SLC2A13: variants seen among roughly 807,000 people sequenced by gnomAD.
SLC2A13 encodes the protein solute carrier family 2 member 13, also known as proton myo-inositol cotransporter.
SLC2A13 carries 32 observed loss-of-function variants against 64.4 expected under a neutral mutation model. The observed-to-expected ratio is 0.50, with a 90% CI of 0.37 to 0.67. SLC2A13 has a LOEUF of 0.67. Ranked by LOEUF, SLC2A13 falls within the 30% of genes least tolerant of loss-of-function variation. The pLI, the probability that SLC2A13 is intolerant of heterozygous loss-of-function variation, is 0.00. For missense variants in SLC2A13, 743 were observed against 829.2 expected (o/e 0.90, Z 1.28); for synonymous variants, 338 against 327.1 (o/e 1.03, Z -0.36).
chr12:40,086,872 TCTAATGCAGTTAC>T (rs530608365), intron 1 of SLC2A13, among the ~76,000 whole-genome samples: 1 of 152,342 alleles, frequency 6.6e-6, no homozygotes, highest in Admixed American at 6.5e-5. Context: ...GCTCATTTTC[TCTAATGCAGTTAC>T]CAACGGCCAG....
chr12:39,804,015 C>T (rs953695560), intron 7 of SLC2A13, among the ~76,000 whole-genome samples: 1 of 151,820 alleles, frequency 6.6e-6, no homozygotes, highest in Non-Finnish European at 1.5e-5. Flanking sequence ...GAAGAAATGT[C>T]TGAATTCATT....
At chr12:39,775,983 G>A (rs1167374673) in intron 7 of SLC2A13, among the ~76,000 whole-genome samples, 1 of 152,176 alleles carries the variant, frequency 6.6e-6, no homozygotes, top group East Asian at 1.9e-4. Context: ...GAGCATTTTG[G>A]ATTTTAGATT....
In SLC2A13 at chr12:39,968,728, CCTTT is replaced by C. The variant is rs907408528; in HGVS notation, c.926-17367_926-17364del. Among the ~76,000 whole-genome samples, 141 of 72,780 alleles carry C rather than the reference CCTTT, an allele frequency of 1.9e-3. 4 individuals are homozygous for C. The highest frequency in any genetic ancestry group is 4.6e-3 in the African/African-American group (128 of 27,834). 47.7% of individuals were successfully genotyped at this position (72,780 alleles called of 152,430 possible). On this transcript the variant is annotated intron_variant, in intron 3 of 9. Transcript: ENST00000280871. The stretch of plus-strand genomic sequence containing the variant: ...CTGACACTTTACTCTCTAAGCCTGC[CCTTT>C]CTTTTTTATTTTTGTTGTTTTTTTT...
intron 6 of SLC2A13, among the ~76,000 whole-genome samples, chr12:39,846,981 T>C (rs1260714090): frequency 6.6e-6 from 1 of 152,142 alleles, no homozygotes; most frequent in African/African-American, 2.4e-5. Flanking sequence ...CAACAAAAGG[T>C]AGCTGTTTCA....
chr12:39,860,203 C>T (rs1254004512), intron 6 of SLC2A13, among the ~76,000 whole-genome samples: 1 of 152,108 alleles, frequency 6.6e-6, no homozygotes, highest in East Asian at 1.9e-4. Context: ...TTATTTGGAC[C>T]TCAGTAAGGA....
At chr12:39,820,793 A>G in intron 7 of SLC2A13, among the ~76,000 whole-genome samples, 1 of 147,332 alleles carries the variant, frequency 6.8e-6, no homozygotes, top group African/African-American at 2.5e-5. Flanking sequence ...ACATGTAAAA[A>G]TGCAAGCACC....
At chr12:39,841,366 A>T (rs1048068184) in intron 6 of SLC2A13, among the ~76,000 whole-genome samples, 2 of 152,120 alleles carry the variant, frequency 1.3e-5, no homozygotes, top group African/African-American at 4.8e-5. Context: ...CTTGCATTTC[A>T]TCTGAACAAA....
At chr12:40,099,176 A>G (rs1259032514) in intron 1 of SLC2A13, among the ~76,000 whole-genome samples, 1 of 152,236 alleles carries the variant, frequency 6.6e-6, no homozygotes, top group African/African-American at 2.4e-5. Flanking sequence ...ATTAAATTTT[A>G]CATGTGGGAA....
intron 1 of SLC2A13, among the ~76,000 whole-genome samples, chr12:40,099,891 G>A (rs1304383167): frequency 6.6e-6 from 1 of 150,414 alleles, no homozygotes; most frequent in Non-Finnish European, 1.5e-5. Flanking sequence ...AAGAAAGTGG[G>A]GAGTAGTGGA....
rs562407450 is a variant in SLC2A13, at chr12:39,833,551, C to T, written c.1320-3323G>A. Among the ~76,000 whole-genome samples the T allele has an allele frequency of 3.9e-5, 6 of 152,170 alleles. No individual in the cohort carries two copies. In the South Asian group the frequency reaches 6.2e-4, roughly 16 times the overall value. On this transcript the variant is annotated intron_variant, in intron 6 of 9. Transcript: ENST00000280871. The stretch of plus-strand genomic sequence containing the variant: ...AGGTTTCTCTATTAAAGCCACCCTG[C>T]AGAACTTCATGTTTGGCTCTTTCTG...
intron 5 of SLC2A13, among the ~76,000 whole-genome samples, chr12:39,871,349 A>G (rs1183878037): frequency 2.0e-5 from 3 of 151,512 alleles, no homozygotes; most frequent in Non-Finnish European, 2.9e-5. Context: ...AAGAAATTAC[A>G]TGGTTCTAAT....
At chr12:40,035,231 TC>T (rs1367379835) in intron 2 of SLC2A13, among the ~76,000 whole-genome samples, 9 of 152,222 alleles carry the variant, frequency 5.9e-5, no homozygotes, top group African/African-American at 2.2e-4. Flanking sequence ...TCGTTATTGA[TC>T]AATAACTAGA....
intron 7 of SLC2A13, among the ~76,000 whole-genome samples, chr12:39,804,126 GA>G (rs879382584): frequency 2.6e-5 from 4 of 151,744 alleles, no homozygotes; most frequent in South Asian, 2.1e-4. Flanking sequence ...GAGTGGTGGG[GA>G]AAAAAACACT....
At chr12:39,988,683 GAGGGAGGGAGGA>G (rs1471630721) in intron 3 of SLC2A13, among the ~76,000 whole-genome samples, 12 of 95,686 alleles carry the variant, frequency 1.3e-4, no homozygotes, top group Admixed American at 1.1e-4. Context: ...GGGAAGAAGG[GAGGGAGGGAGGA>G]AGGAAGGAAG....
Position 39,882,959 on chromosome 12 carries a change from C to T in SLC2A13, c.1035-10998G>A, listed in dbSNP as rs571294903. Among the ~76,000 whole-genome samples, 4 of 152,258 alleles carry T rather than the reference C, an allele frequency of 2.6e-5. No individual in the cohort carries two copies. The South Asian group carries it at 8.3e-4, about 32-fold the overall frequency. On this transcript the variant is annotated intron_variant, in intron 4 of 9. Coordinates refer to ENST00000280871, the MANE Select transcript of SLC2A13 (RefSeq NM_052885.4). ...GTCTATGTGTGTTTCACTCTTGCAA[C>T]TACCAAAGCAGGTTTATGAATATTT...
At chr12:39,874,342 G>A (rs866176256) in intron 4 of SLC2A13, among the ~76,000 whole-genome samples, 5 of 152,032 alleles carry the variant, frequency 3.3e-5, no homozygotes, top group African/African-American at 1.2e-4. Flanking sequence ...GGCCGGGCAC[G>A]GTGGCTCACA....
At chr12:39,859,199 C>G (rs116864910) in intron 6 of SLC2A13, among the ~76,000 whole-genome samples, 2,195 of 151,396 alleles carry the variant, frequency 0.014, 27 homozygotes, top group Middle Eastern at 0.024. Flanking sequence ...GAAACTATCA[C>G]TATACAGAAA....
intron 1 of SLC2A13, among the ~76,000 whole-genome samples, chr12:40,078,729 C>T (rs999438388): frequency 6.6e-6 from 1 of 152,164 alleles, no homozygotes; most frequent in Non-Finnish European, 1.5e-5. Flanking sequence ...CTTTATACAT[C>T]TGATAAAATT....
At chr12:39,840,513 G>T (rs78675867) in intron 6 of SLC2A13, among the ~76,000 whole-genome samples, 2,787 of 151,982 alleles carry the variant, frequency 0.018, 89 homozygotes, top group African/African-American at 0.063. Context: ...AGGTGCCGTG[G>T]GTGCTAGCCA....
Sources: allele counts gnomAD v4.1 joint callset (sites outside exome capture counted in the v4.1 genomes callset), GRCh38; gene constraint gnomAD v4.1.1; transcripts MANE v1.5; gene names NCBI Gene and HGNC (gene_info 2026-07-23, HGNC 2026-07-21).